Variants in TENM3 observed in about 807,000 individuals in gnomAD.
TENM3 encodes teneurin transmembrane protein 3.
A neutral mutation model predicts 255.1 loss-of-function variants in TENM3; 63 were observed. The ratio of observed to expected loss-of-function variants is 0.25; its 90% CI spans 0.20 to 0.30. The LOEUF (loss-of-function observed/expected upper bound fraction) is 0.30, where lower values mean the gene tolerates loss of function less well. TENM3 is among the 10% of genes least tolerant of loss of function. The pLI, the probability that TENM3 is intolerant of heterozygous loss-of-function variation, is 1.00. For synonymous variants in TENM3, 1,306 were observed against 1,322.3 expected, an observed-to-expected ratio of 0.99 and a Z score of 0.27; for missense variants, 2,929 against 3,461.1, an observed-to-expected ratio of 0.85 and a Z score of 3.86.
At chr4:181,560,265 CCTTCACAGGGG>C in the TENM3 span, among the ~76,000 whole-genome samples, 3 of 152,146 alleles carry the variant, frequency 2.0e-5, no homozygotes, top group African/African-American at 7.2e-5. Flanking sequence ...GCACTAATCC[CCTTCACAGGGG>C]CCCACCCTCA....
At chr4:181,622,869 G>A in the TENM3 span, among the ~76,000 whole-genome samples, 1 of 152,112 alleles carries the variant, frequency 6.6e-6, no homozygotes, top group Non-Finnish European at 1.5e-5. Context: ...ACCGAGTGAA[G>A]TCATTATGCC....
At chr4:181,616,666 G>T in the TENM3 span, among the ~76,000 whole-genome samples, 1 of 152,118 alleles carries the variant, frequency 6.6e-6, no homozygotes, top group Non-Finnish European at 1.5e-5. Flanking sequence ...CTCAGTCAAA[G>T]GCCAAAGGCC....
At chr4:181,833,456 G>T in the TENM3 span, among the ~76,000 whole-genome samples, 2 of 152,130 alleles carry the variant, frequency 1.3e-5, no homozygotes, top group Non-Finnish European at 2.9e-5. Context: ...CTAAAACAGG[G>T]GGGCAGGGGA....
At chr4:181,820,486 AACAC>A in the TENM3 span, among the ~76,000 whole-genome samples, 68 of 148,166 alleles carry the variant, frequency 4.6e-4, no homozygotes, top group African/African-American at 8.7e-4. Flanking sequence ...ATTTTCTTTA[AACAC>A]ACACACACAC....
chr4:182,622,589 A>G (rs78277075), intron 4 of TENM3, among the ~76,000 whole-genome samples: 2,219 of 152,326 alleles, frequency 0.015, 33 homozygotes, highest in Non-Finnish European at 0.025. Context: ...GTGGAGAAAC[A>G]GCATACTTTG....
intron 24 of TENM3, among the ~76,000 whole-genome samples, chr4:182,777,955 A>C (rs989575304): frequency 6.6e-6 from 1 of 152,026 alleles, no homozygotes; most frequent in South Asian, 2.1e-4. Context: ...TTTCTGTGAA[A>C]CAGTACATTA....
rs139710053 is a variant in TENM3, at chr4:182,188,457, T to C, written c.-76+43703T>C. On this transcript the variant is annotated intron_variant, in intron 1 of 2. Coordinates refer to the TENM3 transcript ENST00000512480. ...TTGATCCCCTAATCTCGTGCATGTC[T>C]GTCACAGGTGTCTAACCTACCGTAG... Among the ~76,000 whole-genome samples, 286 of 152,292 alleles carry C rather than the reference T, an allele frequency of 1.9e-3. 1 individual carries two copies. Among genetic ancestry groups the C allele is most frequent in the African/African-American group, 5.6e-3 (231 of 41,562 alleles).
chr4:182,120,333 A>G, the TENM3 span, among the ~76,000 whole-genome samples: 1 of 152,154 alleles, frequency 6.6e-6, no homozygotes, highest in African/African-American at 2.4e-5. Flanking sequence ...TGTACTATCT[A>G]GGTTTGTGTA....
chr4:182,455,988 G>A (rs1221778237), intron 3 of TENM3, among the ~76,000 whole-genome samples: 3 of 152,156 alleles, frequency 2.0e-5, no homozygotes, highest in Non-Finnish European at 4.4e-5. Flanking sequence ...CCACTAGGGG[G>A]ACAGGTTCTT....
At chr4:181,458,752 G>A in the TENM3 span, among the ~76,000 whole-genome samples, 8 of 151,926 alleles carry the variant, frequency 5.3e-5, no homozygotes, top group South Asian at 1.5e-3. Flanking sequence ...ATTTTACTGA[G>A]TATTATTTCA....
At chr4:182,757,606 T>A (rs957407812) in intron 22 of TENM3, among the ~76,000 whole-genome samples, 2 of 152,140 alleles carry the variant, frequency 1.3e-5, no homozygotes, top group Non-Finnish European at 2.9e-5. Flanking sequence ...CTGGTGGAGC[T>A]GATGTGGGAT....
At chr4:181,948,983 G>T in the TENM3 span, among the ~76,000 whole-genome samples, 7 of 151,920 alleles carry the variant, frequency 4.6e-5, no homozygotes, top group Non-Finnish European at 7.4e-5. Flanking sequence ...ATGTGCACAG[G>T]ACTCTCATTA....
the TENM3 span, among the ~76,000 whole-genome samples, chr4:181,478,292 C>A: frequency 1.3e-5 from 2 of 152,138 alleles, no homozygotes; most frequent in African/African-American, 4.8e-5. Flanking sequence ...TTACTAGTAC[C>A]TTTTGAAAAA....
intron 1 of TENM3, among the ~76,000 whole-genome samples, chr4:182,257,184 T>C (rs1290015771): frequency 6.6e-6 from 1 of 152,188 alleles, no homozygotes; most frequent in African/African-American, 2.4e-5. Context: ...GCTCCAGAAT[T>C]TGCATTTCTA....
intron 3 of TENM3, among the ~76,000 whole-genome samples, chr4:182,455,057 T>C (rs1265641775): frequency 2.0e-5 from 3 of 152,204 alleles, no homozygotes; most frequent in African/African-American, 7.2e-5. Flanking sequence ...TAATATTTCA[T>C]ACTTTATTGG....
intron 1 of TENM3, among the ~76,000 whole-genome samples, chr4:182,262,720 CTT>C (rs535703415): frequency 0.048 from 6,399 of 132,956 alleles, 168 homozygotes; most frequent in African/African-American, 0.11. Flanking sequence ...CCTTTACTTT[CTT>C]TTTTTTTTTT....
the TENM3 span, among the ~76,000 whole-genome samples, chr4:181,623,662 C>A: frequency 6.6e-6 from 1 of 152,156 alleles, no homozygotes; most frequent in African/African-American, 2.4e-5. Flanking sequence ...GGAGCTGCCG[C>A]TAAAATTATT....
At chr4:181,620,932 T>C in the TENM3 span, among the ~76,000 whole-genome samples, 3 of 152,208 alleles carry the variant, frequency 2.0e-5, no homozygotes, top group Non-Finnish European at 4.4e-5. Flanking sequence ...TCATGATCTA[T>C]GGATGGATGT....
At chr4:182,098,672 G>C in the TENM3 span, among the ~76,000 whole-genome samples, 10 of 152,122 alleles carry the variant, frequency 6.6e-5, no homozygotes, top group African/African-American at 2.4e-4. Flanking sequence ...AGGCTGAGAA[G>C]GGTAGTGGGA....
Sources: gnomAD v4.1 joint callset for allele counts (sites outside exome capture counted in the v4.1 genomes callset) on GRCh38, gnomAD v4.1.1 for gene constraint, MANE v1.5 for transcripts, NCBI Gene and HGNC (gene_info 2026-07-23, HGNC 2026-07-21) for gene names.